PCDHGA10: variants seen among roughly 807,000 people sequenced by gnomAD.
PCDHGA10 encodes the protein protocadherin gamma subfamily A, 10.
In PCDHGA10, 42 loss-of-function variants were observed where a neutral mutation model predicts 59.5. The observed-to-expected ratio is 0.71, with a 90% CI of 0.55 to 0.91. The LOEUF (loss-of-function observed/expected upper bound fraction) is 0.91, where lower values mean the gene tolerates loss of function less well. Ranked by LOEUF, PCDHGA10 falls within the 40% of genes least tolerant of loss-of-function variation. The pLI, the probability that PCDHGA10 is intolerant of heterozygous loss-of-function variation, is 0.00. For missense variants in PCDHGA10, 1,111 were observed against 1,198.2 expected (o/e 0.93, Z 1.07); for synonymous variants, 511 against 517.2 (o/e 0.99, Z 0.16).
Position 141,432,136 on chromosome 5 carries a change from T to C in PCDHGA10, c.2436+16525T>C, listed in dbSNP as rs766026174. 2 of 1,613,960 alleles carry C rather than the reference T, an allele frequency of 1.2e-6. No individual in the cohort carries two copies. The highest frequency in any genetic ancestry group is 1.7e-5 in the Admixed American group (1 of 59,996). On this transcript the variant is annotated intron_variant, in intron 1 of 3. Transcript: ENST00000398610. The surrounding 1 kb of genome is among the most constrained non-coding windows in gnomAD (Gnocchi z 6.0). ...TCTTCCCTCAGGCCTCCTATTCCGC[T>C]TATATCCCAGAGAACAATCCCAGAG...
At position 141,414,621 on chromosome 5, in the gene PCDHGA10, C is replaced by G; in HGVS notation, c.1446C>G (p.Asp482Glu). 6.2e-7 allele frequency: 1 copy of G among 1,613,996 alleles called. No homozygotes were observed. Among genetic ancestry groups the G allele is most frequent in the Non-Finnish European group, 8.5e-7 (1 of 1,179,888 alleles). The change falls in exon 1 of 4, where the codon GAC becomes GAG. Residue 482 changes from aspartate to glutamate, a missense_variant. Coordinates refer to ENST00000398610, the MANE Select transcript of PCDHGA10 (RefSeq NM_018913.3). ...CCATCTTCTCAGTGACAGCGCTGGACCCGGACAGCAAAGAGAATGCCCAGA... is the reference window on the plus strand; with the variant it reads ...CCATCTTCTCAGTGACAGCGCTGGAGCCGGACAGCAAAGAGAATGCCCAGA... ...GASIFSVTAL[D>E]PDSKENAQII...
intron 2 of PCDHGA10, among the ~76,000 whole-genome samples, chr5:141,503,595 G>A (rs6892628): frequency 7.1e-6 from 1 of 140,086 alleles, no homozygotes. Context: ...CGAGACTCCA[G>A]CTCAAAAAAA....
At chr5:141,452,201 T>G (rs552947721) in intron 1 of PCDHGA10, among the ~76,000 whole-genome samples, 131 of 152,376 alleles carry the variant, frequency 8.6e-4, no homozygotes, top group Middle Eastern at 6.8e-3. Context: ...TTGTTTTAGA[T>G]GTTACCAATA....
intron 1 of PCDHGA10, chr5:141,421,183 A>G (rs1286755310): frequency 2.7e-6 from 4 of 1,457,360 alleles, no homozygotes; most frequent in Admixed American, 4.8e-5. Flanking sequence ...CCGATTCACA[A>G]CCAACCAGCT....
chr5:141,449,588 CAAAAAA>C (rs768743917), intron 1 of PCDHGA10, among the ~76,000 whole-genome samples: 1 of 57,492 alleles, frequency 1.7e-5, no homozygotes, highest in Admixed American at 1.8e-4. Flanking sequence ...GACTCTGTCT[CAAAAAA>C]AAAAAAAAAA....
At chr5:141,445,313 T>C (rs1186654847) in intron 1 of PCDHGA10, among the ~76,000 whole-genome samples, 8 of 152,328 alleles carry the variant, frequency 5.3e-5, no homozygotes, top group Non-Finnish European at 4.4e-5. Flanking sequence ...GTTTGTAGGT[T>C]GAGAGAACCC....
intron 1 of PCDHGA10, chr5:141,419,835 C>T: frequency 1.2e-6 from 2 of 1,614,084 alleles, no homozygotes; most frequent in African/African-American, 1.3e-5. Flanking sequence ...GCCACTGCCA[C>T]GCTGCACCTG....
At chr5:141,463,460 T>TTC (rs573961569) in intron 1 of PCDHGA10, among the ~76,000 whole-genome samples, 28 of 136,126 alleles carry the variant, frequency 2.1e-4, no homozygotes, top group Admixed American at 4.4e-4. Context: ...TTTTTTTTTT[T>TTC]TTTTTTGAGA....
At chr5:141,460,985 ATATATATATATGTG>A (rs2099005673) in intron 1 of PCDHGA10, among the ~76,000 whole-genome samples, 1 of 91,766 alleles carries the variant, frequency 1.1e-5, no homozygotes, top group Non-Finnish European at 2.2e-5. Flanking sequence ...GTGTGTGTGT[ATATATATATATGTG>A]TATATATATA....
At chr5:141,455,537 A>G (rs1158681837) in intron 1 of PCDHGA10, among the ~76,000 whole-genome samples, 2 of 152,162 alleles carry the variant, frequency 1.3e-5, no homozygotes, top group Non-Finnish European at 2.9e-5. Flanking sequence ...CAGGCATATC[A>G]TTCACGTAGC....
At chr5:141,465,144 T>A (rs965605798) in intron 1 of PCDHGA10, among the ~76,000 whole-genome samples, 4 of 152,008 alleles carry the variant, frequency 2.6e-5, no homozygotes, top group Admixed American at 6.6e-5. Flanking sequence ...TTAGGGGATA[T>A]ATGAAGGGAC....
rs769607720 is a variant in PCDHGA10 at position 141,489,346 on chromosome 5, G to A, written c.2437-5461G>A. 4 of 1,611,652 alleles carry A rather than the reference G, an allele frequency of 2.5e-6. No individual in the cohort carries two copies. The highest frequency in any genetic ancestry group is 3.4e-6 in the Non-Finnish European group (4 of 1,178,446). On this transcript the variant is annotated intron_variant, in intron 1 of 3. Transcript: ENST00000398610. The surrounding 1 kb of genome is among the most constrained non-coding windows in gnomAD (Gnocchi z 4.5). Reference sequence around the variant, plus strand: ...GTCTGGGCAGCTTCGTTACTCAGTGGTGGAGGAGTCTGAGCCGGGGACGCT... The same window carrying A: ...GTCTGGGCAGCTTCGTTACTCAGTGATGGAGGAGTCTGAGCCGGGGACGCT...
Position 141,489,351 on chromosome 5 carries a change from G to A in PCDHGA10, c.2437-5456G>A, listed in dbSNP as rs2099685862. ...GGCAGCTTCGTTACTCAGTGGTGGAGGAGTCTGAGCCGGGGACGCTGGTGG... is the reference window on the plus strand; with the variant it reads ...GGCAGCTTCGTTACTCAGTGGTGGAAGAGTCTGAGCCGGGGACGCTGGTGG... On this transcript the variant is annotated intron_variant, in intron 1 of 3. Transcript: ENST00000398610. This position sits in a 1 kb window ranked among gnomAD's most constrained non-coding sequence, Gnocchi z 4.5. The A allele has an allele frequency of 6.2e-7, 1 of 1,612,202 alleles. No individual in the cohort carries two copies. The highest frequency in any genetic ancestry group is 1.3e-5 in the African/African-American group (1 of 75,006).
At chr5:141,479,084 G>A (rs749298402) in intron 1 of PCDHGA10, among the ~76,000 whole-genome samples, 19 of 152,016 alleles carry the variant, frequency 1.2e-4, no homozygotes, top group Non-Finnish European at 1.9e-4. Flanking sequence ...GAAATTCCAG[G>A]CATCCTTTAA....
At chr5:141,495,013 T>C (rs2099758300) in intron 2 of PCDHGA10, 148 bp downstream of exon 2, 12 of 1,511,014 alleles carry the variant, frequency 7.9e-6, no homozygotes, top group Non-Finnish European at 1.1e-5. Context: ...TGCGGGGGGC[T>C]GGCACACAGA....
intron 1 of PCDHGA10, chr5:141,423,251 A>T: frequency 6.2e-7 from 1 of 1,613,844 alleles, no homozygotes; most frequent in East Asian, 2.2e-5. Context: ...GTCCTGGCGG[A>T]CCTCGGCAGC....
Position 141,444,152 on chromosome 5 carries a change from ATTTTTTTTTTTTTTTTT to A in PCDHGA10, c.2436+28561_2436+28577del, listed in dbSNP as rs747671382. Among the ~76,000 whole-genome samples, 167 of 33,906 alleles carry A rather than the reference ATTTTTTTTTTTTTTTTT, an allele frequency of 4.9e-3. 1 individual carries two copies. The highest frequency in any genetic ancestry group is 7.0e-3 in the Non-Finnish European group (136 of 19,318). The allele number at this position is 33,906 out of a possible 152,430, so 22.2% of individuals were successfully genotyped here. A position where few individuals can be genotyped will look rare whatever the true frequency, so the allele number is the denominator to read the frequency against. On this transcript the variant is annotated intron_variant, in intron 1 of 3. Coordinates refer to ENST00000398610, the MANE Select transcript of PCDHGA10 (RefSeq NM_018913.3). ...GATATGTGTCACTTGTGTGTACTGG[ATTTTTTTTTTTTTTTTT>A]TTTTTTTTTTTTTTTTTTTGAGATG...
Position 141,418,036 on chromosome 5 carries a change from G to C in PCDHGA10, c.2436+2425G>C, listed in dbSNP as rs933500300. ...CTAAGGATCTAGGGCTTAGTGTCCT[G>C]GATGTGTCGGCTCGCGAGCTGCGAG... On this transcript the variant is annotated intron_variant, in intron 1 of 3. Coordinates refer to ENST00000398610, the MANE Select transcript of PCDHGA10 (RefSeq NM_018913.3). 3.7e-6 allele frequency: 6 copies of C among 1,613,902 alleles called. No individual in the cohort carries two copies. The African/African-American group carries it at 8.0e-5, about 22-fold the overall frequency.
chr5:141,422,077 A>C (rs2096622436), intron 1 of PCDHGA10: 1 of 1,612,340 alleles, frequency 6.2e-7, no homozygotes, highest in Admixed American at 1.7e-5. Flanking sequence ...TTCATTTCGG[A>C]ACATGGAAAG....
Sources: allele counts gnomAD v4.1 joint callset (sites outside exome capture counted in the v4.1 genomes callset), GRCh38; gene constraint gnomAD v4.1.1; non-coding constraint Gnocchi (gnomAD v3.1); transcripts MANE v1.5; gene names NCBI Gene and HGNC (gene_info 2026-07-23, HGNC 2026-07-21).